The following NUP205 variants were observed in gnomAD, a reference collection of about 807,000 sequenced individuals.
NUP205 encodes nuclear pore complex protein Nup205.
A neutral mutation model predicts 253.8 loss-of-function variants in NUP205; 76 were observed. The ratio of observed to expected loss-of-function variants is 0.30; its 90% confidence interval spans 0.25 to 0.36. The LOEUF (loss-of-function observed/expected upper bound fraction) is 0.36, where lower values mean the gene tolerates loss of function less well. NUP205 is among the 10% of genes least tolerant of loss of function. NUP205 has a pLI of 1.00. For synonymous variants in NUP205, 832 were observed against 850.1 expected (o/e 0.98, Z 0.37); for missense variants, 2,162 against 2,425.5 (o/e 0.89, Z 2.28).
intron 1 of NUP205, among the ~76,000 whole-genome samples, chr7:135,570,802 AAT>A (rs1217485831): frequency 1.9e-5 from 2 of 105,840 alleles, no homozygotes; most frequent in African/African-American, 7.9e-5. Context: ...ATATTATATT[AAT>A]ATATATTAAT....
Position 135,576,346 on chromosome 7 carries a change from A to G in NUP205, c.420A>G (p.Arg140=). The G allele has an allele frequency of 6.2e-7, 1 of 1,613,832 alleles. No individual in the cohort carries two copies. ...VAVLLYWDGK[R]CIANSLKALI... The stretch of plus-strand genomic sequence containing the variant: ...TTCTTCTGTACTGGGATGGAAAGCG[A>G]TGCATTGCGAATTCCTTGAAAGCCT... The change falls in exon 4 of 43, where the codon CGA becomes CGG. Residue 140 remains arginine, a synonymous_variant. Coordinates refer to ENST00000285968, the MANE Select transcript of NUP205 (RefSeq NM_015135.3).
intron 4 of NUP205, 112 bp downstream of exon 4, chr7:135,576,526 A>G (rs1806155865): frequency 1.2e-6 from 1 of 841,750 alleles, no homozygotes; most frequent in African/African-American, 1.7e-5. Context: ...TGAGTAATAT[A>G]CTCCCTTATT....
At chr7:135,629,780 C>T (rs1794672732) in intron 34 of NUP205, among the ~76,000 whole-genome samples, 1 of 152,152 alleles carries the variant, frequency 6.6e-6, no homozygotes, top group African/African-American at 2.4e-5. Flanking sequence ...CCGCCTCAGC[C>T]TCCCAAAGTG....
intron 35 of NUP205, 78 bp downstream of exon 35, chr7:135,630,548 A>T: frequency 7.4e-7 from 1 of 1,348,930 alleles, no homozygotes; most frequent in South Asian, 1.4e-5. Context: ...TTTTTTTGTT[A>T]CTTTGCAGCT....
intron 12 of NUP205, among the ~76,000 whole-genome samples, chr7:135,593,710 T>A (rs1793753947): frequency 6.6e-6 from 1 of 152,188 alleles, no homozygotes; most frequent in African/African-American, 2.4e-5. Context: ...AGTCTGACAT[T>A]TTCTCTGAAG....
At chr7:135,620,438 C>T (rs1462447595) in intron 30 of NUP205, among the ~76,000 whole-genome samples, 1 of 152,170 alleles carries the variant, frequency 6.6e-6, no homozygotes, top group Non-Finnish European at 1.5e-5. Flanking sequence ...GAGGCTGAAG[C>T]AGGAGAATCG....
intron 4 of NUP205, 76 bp downstream of exon 4, chr7:135,576,490 C>A: frequency 2.4e-6 from 3 of 1,259,438 alleles, no homozygotes; most frequent in Non-Finnish European, 3.4e-6. Context: ...TTATTATATA[C>A]AATCTGAGCA....
chr7:135,614,325 AAGTGATTTTATT>A (rs775247817), intron 23 of NUP205, 52 bp downstream of exon 23: 772 of 973,226 alleles, frequency 7.9e-4, no homozygotes, highest in Non-Finnish European at 1.1e-3. Flanking sequence ...ATTCCATGTT[AAGTGATTTTATT>A]TATACAATAT....
intron 32 of NUP205, 117 bp downstream of exon 32, chr7:135,625,472 C>T: frequency 1.3e-6 from 1 of 786,888 alleles, no homozygotes; most frequent in Non-Finnish European, 1.9e-6. Flanking sequence ...AAGCTGGAAT[C>T]CTTTTTTAAG....
chr7:135,600,898 T>G lies in NUP205; in HGVS notation c.2303T>G (p.Val768Gly). ...GAAGTTGCTGAGGTGGTTTTGGAGGTGTTTTATAAATTGCTCAGAGATTAT... is the reference window on the plus strand; with the variant it reads ...GAAGTTGCTGAGGTGGTTTTGGAGGGGTTTTATAAATTGCTCAGAGATTAT... The part of the protein sequence containing the change: ...KWEVAEVVLE[V>G]FYKLLRDYEP... Residue 768 changes from valine (V) to glycine (G), a missense_variant, in exon 16 of 43, where the codon GTG becomes GGG. Val to Gly is a moderately radical substitution (Grantham distance 109). This residue lies in a region of NUP205 where 892 missense variants were observed against 957.1 expected (regional missense o/e 0.93). Transcript: ENST00000285968. 1 of 1,611,192 alleles carries G rather than the reference T, an allele frequency of 6.2e-7. No homozygotes were observed. The highest frequency in any genetic ancestry group is 8.5e-7 in the Non-Finnish European group (1 of 1,177,930).
rs202012259 is a variant in NUP205, at chr7:135,557,936, G to A, written c.-9G>A. 1 of 1,613,262 alleles carries A rather than the reference G, an allele frequency of 6.2e-7. No homozygotes were observed. The highest frequency in any genetic ancestry group is 8.5e-7 in the Non-Finnish European group (1 of 1,179,186). ...TGCGGCAGAAGGGCTCTGTTAGTGC[G>A]CCTCTAAGATGGCGACGCCTTTGGC... On this transcript the variant is annotated 5_prime_UTR_variant, in exon 1 of 43. Coordinates refer to ENST00000285968, the MANE Select transcript of NUP205 (RefSeq NM_015135.3).
chr7:135,631,759 T>TC (rs949263533), intron 35 of NUP205, among the ~76,000 whole-genome samples: 7 of 151,256 alleles, frequency 4.6e-5, no homozygotes, highest in Non-Finnish European at 7.4e-5. Flanking sequence ...TTTCTTTCTT[T>TC]TTTTTTTTGA....
At chr7:135,638,766 T>C in intron 38 of NUP205, 83 bp downstream of exon 38, 1 of 1,409,534 alleles carries the variant, frequency 7.1e-7, no homozygotes, top group Non-Finnish European at 9.9e-7. Context: ...TCCAGTAAGA[T>C]GCAGTATTTT....
At position 135,622,872 on chromosome 7, in the gene NUP205, G is replaced by A. The variant is rs774491809; in HGVS notation, c.4426G>A (p.Ala1476Thr). ...NIAIIESYGA[A>T]LMEVVCRDAC... is the part of the protein sequence containing the mutation. ...AGCCATTATTGAAAGTTATGGCGCC[G>A]CCCTCATGGAAGTGGTCTGTCGAGA... The change falls in exon 31 of 43, where the codon GCC becomes ACC. Residue 1476 changes from alanine (A) to threonine (T), a missense_variant. Physicochemically the swap from Ala to Thr is moderately conservative, Grantham distance 58 (BLOSUM62 0). Around this residue, in one of 5 missense-constraint regions of NUP205, gnomAD observed 1,144 missense variants for 1,280.9 expected, o/e 0.89. Transcript: ENST00000285968. 9 of 1,613,962 alleles carry A rather than the reference G, an allele frequency of 5.6e-6. No individual in the cohort carries two copies. The highest frequency in any genetic ancestry group is 1.6e-4 in the Middle Eastern group (1 of 6,084).
chr7:135,561,901 T>TTCCTTCCTTCCTTCCC (rs767721764), intron 1 of NUP205, among the ~76,000 whole-genome samples: 3 of 147,566 alleles, frequency 2.0e-5, no homozygotes, highest in Non-Finnish European at 3.0e-5. Context: ...CCTTCCTTTG[T>TTCCTTCCTTCCTTCCC]TCCTTCCTTC....
intron 3 of NUP205, among the ~76,000 whole-genome samples, chr7:135,574,097 C>T (rs544223864): frequency 3.3e-5 from 5 of 152,084 alleles, no homozygotes; most frequent in African/African-American, 4.8e-5. Context: ...CTCAGCCTCC[C>T]GAGTAGTTGA....
At chr7:135,570,050 TATAGAG>T (rs1554456222) in intron 1 of NUP205, among the ~76,000 whole-genome samples, 1,528 of 88,644 alleles carry the variant, frequency 0.017, 7 homozygotes, top group Middle Eastern at 0.062. Flanking sequence ...TATATATATA[TATAGAG>T]AGAGAGAGAG....
Position 135,557,970 on chromosome 7 carries a change from C to T in NUP205, c.26C>T (p.Ser9Leu), listed in dbSNP as rs1395935437. Residue 9 changes from serine to leucine, a missense_variant and splice_region_variant, in exon 1 of 43, where the codon TCG (serine) becomes TTG (leucine). Physicochemically the swap from Ser to Leu is moderately radical, Grantham distance 145. This residue lies in a region of NUP205 where 109 missense variants were observed against 131.8 expected (regional missense o/e 0.83). Transcript: ENST00000285968. MATPLAVNSAASLWGPYKD... is the reference protein window; with the variant it reads MATPLAVNLAASLWGPYKD... ...ATGGCGACGCCTTTGGCGGTAAATT[C>T]GGGTAAGTGTGGCCAGACAGAAAGA... 1.3e-5 allele frequency: 21 copies of T among 1,613,132 alleles called. No individual in the cohort carries two copies. Among genetic ancestry groups the T allele is most frequent in the Non-Finnish European group, 1.6e-5 (19 of 1,179,192 alleles).
intron 17 of NUP205, among the ~76,000 whole-genome samples, chr7:135,602,044 G>T (rs1229264054): frequency 6.6e-6 from 1 of 152,168 alleles, no homozygotes; most frequent in Non-Finnish European, 1.5e-5. Flanking sequence ...AGTTATACTG[G>T]CTTTCCCTAT....
Sources: allele counts gnomAD v4.1 joint callset (sites outside exome capture counted in the v4.1 genomes callset), GRCh38; gene constraint gnomAD v4.1.1; regional missense constraint gnomAD v4.1.1; transcripts MANE v1.5; gene names NCBI Gene and HGNC (gene_info 2026-07-23, HGNC 2026-07-21).